The following MICU1 variants were observed in gnomAD, a reference collection of about 807,000 sequenced individuals.
MICU1 encodes the protein mitochondrial calcium uptake 1, also known as calcium uptake protein 1, mitochondrial.
Under a neutral mutation model 56.8 loss-of-function variants are expected in MICU1, and 45 were observed. The observed-to-expected ratio is 0.79, with a 90% CI of 0.62 to 1.02. The LOEUF is 1.02. Among genes scored for constraint, MICU1 ranks in the 50% least tolerant of loss-of-function variants. The probability of loss-of-function intolerance (pLI) is 0.00; values close to 1 mark genes in which losing one functional copy is unlikely to be tolerated. For synonymous variants in MICU1, 186 were observed against 195.1 expected, an observed-to-expected ratio of 0.95 and a Z score of 0.39; for missense variants, 504 against 587.1, an observed-to-expected ratio of 0.86 and a Z score of 1.46.
In MICU1 at chr10:72,564,544, G is replaced by GAA. The variant is rs11465166; in HGVS notation, c.162-1483_162-1482dup. On this transcript the variant is annotated intron_variant, in intron 2 of 11. Transcript: ENST00000361114. ...ACAGAGTGAGACTCCATCTCAAAAA[G>GAA]AAAAAAAAAAAAAAAAAAAGAAAAG... Among the ~76,000 whole-genome samples the GAA allele has an allele frequency of 4.6e-3, 497 of 107,340 alleles. 9 individuals are homozygous for GAA. Among genetic ancestry groups the GAA allele is most frequent in the South Asian group, 5.8e-3 (18 of 3,118 alleles). 70.4% of individuals were successfully genotyped at this position (107,340 alleles called of 152,430 possible).
chr10:72,620,431 C>T (rs1842077362), intron 1 of MICU1, among the ~76,000 whole-genome samples: 1 of 152,118 alleles, frequency 6.6e-6, no homozygotes, highest in Admixed American at 6.6e-5. Flanking sequence ...AGTGATTCTC[C>T]TGCCTCAGCC....
chr10:72,564,785 G>A (rs776166052), intron 2 of MICU1, among the ~76,000 whole-genome samples: 3 of 152,108 alleles, frequency 2.0e-5, no homozygotes, highest in East Asian at 1.9e-4. Context: ...GAACACTCTC[G>A]AGTATTGAGT....
At chr10:72,479,776 C>T (rs1464591322) in intron 6 of MICU1, among the ~76,000 whole-genome samples, 1 of 152,174 alleles carries the variant, frequency 6.6e-6, no homozygotes, top group African/African-American at 2.4e-5. Context: ...ATCCTCCTGC[C>T]TCAGCTCCCC....
intron 11 of MICU1, among the ~76,000 whole-genome samples, chr10:72,375,477 C>T (rs16929790): frequency 0.077 from 11,771 of 152,212 alleles, 1,302 homozygotes; most frequent in African/African-American, 0.25. Flanking sequence ...GCTCCGTATC[C>T]GCTAAGTAGC....
chr10:72,616,155 C>T (rs1243617321), intron 1 of MICU1, among the ~76,000 whole-genome samples: 1 of 152,188 alleles, frequency 6.6e-6, no homozygotes, highest in Non-Finnish European at 1.5e-5. Context: ...CAGTATGAGT[C>T]ACGTTTTCCT....
chr10:72,554,243 T>C (rs937824404), intron 3 of MICU1, among the ~76,000 whole-genome samples: 2 of 152,182 alleles, frequency 1.3e-5, no homozygotes, highest in Non-Finnish European at 2.9e-5. Context: ...TTGATAAAAT[T>C]AGAATATCAT....
intron 1 of MICU1, among the ~76,000 whole-genome samples, chr10:72,589,720 A>G (rs984183196): frequency 2.0e-5 from 3 of 152,220 alleles, no homozygotes; most frequent in Non-Finnish European, 4.4e-5. Context: ...GAATAGAAAG[A>G]CCAGAAATAG....
chr10:72,399,751 T>C (rs1314900682), intron 10 of MICU1, among the ~76,000 whole-genome samples: 2 of 152,048 alleles, frequency 1.3e-5, no homozygotes, highest in Admixed American at 6.6e-5. Flanking sequence ...TCACTTGAGG[T>C]CAGGAGTTTG....
intron 1 of MICU1, among the ~76,000 whole-genome samples, chr10:72,622,250 A>AC (rs1377550461): frequency 1.7e-5 from 2 of 115,940 alleles, no homozygotes; most frequent in African/African-American, 3.0e-5. Flanking sequence ...AAAAAAAAAA[A>AC]AAAACATGAA....
intron 6 of MICU1, among the ~76,000 whole-genome samples, chr10:72,507,018 A>G (rs1012435654): frequency 6.6e-6 from 1 of 152,182 alleles, no homozygotes; most frequent in African/African-American, 2.4e-5. Flanking sequence ...ACACAGAGGA[A>G]TAAGAACGAA....
chr10:72,481,691 C>T (rs1413606341), intron 6 of MICU1, among the ~76,000 whole-genome samples: 10 of 152,134 alleles, frequency 6.6e-5, no homozygotes, highest in African/African-American at 2.2e-4. Context: ...GGATTACAGG[C>T]GTGAGCCACA....
chr10:72,527,902 C>G (rs1360987578), intron 5 of MICU1, among the ~76,000 whole-genome samples: 7 of 152,218 alleles, frequency 4.6e-5, no homozygotes, highest in African/African-American at 1.7e-4. Context: ...ATCCAACTCA[C>G]TGCAACCTCC....
chr10:72,582,020 C>T (rs139600024), intron 1 of MICU1, among the ~76,000 whole-genome samples: 52 of 152,228 alleles, frequency 3.4e-4, no homozygotes, highest in Non-Finnish European at 6.8e-4. Flanking sequence ...ACCTCTGCCT[C>T]GCAGGTTCAA....
chr10:72,570,065 C>A (rs1840569314), intron 1 of MICU1, among the ~76,000 whole-genome samples: 1 of 152,170 alleles, frequency 6.6e-6, no homozygotes. Context: ...CCTGCGTCAG[C>A]CTCCCAAGTT....
intron 1 of MICU1, among the ~76,000 whole-genome samples, chr10:72,573,171 T>C (rs1468908495): frequency 1.3e-5 from 2 of 151,916 alleles, no homozygotes; most frequent in Non-Finnish European, 2.9e-5. Context: ...CATAGTGTTA[T>C]CTTTTTAAAA....
chr10:72,509,681 G>A (rs564972574), intron 5 of MICU1, among the ~76,000 whole-genome samples: 13 of 152,172 alleles, frequency 8.5e-5, no homozygotes, highest in Non-Finnish European at 1.8e-4. Flanking sequence ...AGAAGGCATA[G>A]TCCTGCTTGA....
Position 72,465,503 on chromosome 10 carries a change from CTTTTTTTTTTTT to C in MICU1, c.933+9585_933+9596del, listed in dbSNP as rs10586216. ...ACATGGAACATGTTTCTGTTCAGGT[CTTTTTTTTTTTT>C]TTTTTTTTTTTTTTTTGAAATAGAG... On this transcript the variant is annotated intron_variant, in intron 8 of 11. Coordinates refer to ENST00000361114, the MANE Select transcript of MICU1 (RefSeq NM_001195518.2). Among the ~76,000 whole-genome samples, 60 of 57,782 alleles carry C rather than the reference CTTTTTTTTTTTT, an allele frequency of 1.0e-3. No individual in the cohort carries two copies. The South Asian group carries it at 0.04, about 38-fold the overall frequency. The allele number at this position is 57,782 out of a possible 152,430, so 37.9% of individuals were successfully genotyped here.
At chr10:72,428,526 C>G (rs1163285666) in intron 8 of MICU1, among the ~76,000 whole-genome samples, 1 of 152,188 alleles carries the variant, frequency 6.6e-6, no homozygotes, top group Non-Finnish European at 1.5e-5. Context: ...GTTGGCCAGG[C>G]TGGTCTCGAA....
In MICU1 at chr10:72,407,915, T is replaced by C. The variant is rs768405924; in HGVS notation, c.1180+14A>G. ...GTTCATACCTTCAAAAAAACACTTT[T>C]TGAGTTTCATTACCTTTATCAAGAG... On this transcript the variant is annotated intron_variant, in intron 10 of 11. Transcript: ENST00000361114. 6 of 1,589,812 alleles carry C rather than the reference T, an allele frequency of 3.8e-6. No homozygotes were observed. In the East Asian group the frequency reaches 8.9e-5, roughly 24 times the overall value.
Sources: gnomAD v4.1 joint callset for allele counts (sites outside exome capture counted in the v4.1 genomes callset) on GRCh38, gnomAD v4.1.1 for gene constraint, MANE v1.5 for transcripts, NCBI Gene and HGNC (gene_info 2026-07-23, HGNC 2026-07-21) for gene names.